Variants in CCDC148 observed in about 807,000 individuals in gnomAD.
CCDC148 encodes the protein coiled-coil domain containing 148, also known as coiled-coil domain-containing protein 148.
CCDC148 carries 89 observed loss-of-function variants against 85.7 expected under a neutral mutation model. That is an observed-to-expected ratio of 1.04 (90% confidence interval 0.87 to 1.24). CCDC148 has a LOEUF of 1.24. Among genes scored for constraint, CCDC148 ranks in the 50% most tolerant of loss-of-function variants. The pLI, the probability that CCDC148 is intolerant of heterozygous loss-of-function variation, is 0.00. For missense variants in CCDC148, 692 were observed against 671.7 expected (o/e 1.03, Z -0.33); for synonymous variants, 230 against 213.9 (o/e 1.08, Z -0.66).
chr2:158,443,501 C>CA (rs1226963790), intron 1 of CCDC148, among the ~76,000 whole-genome samples: 2 of 59,314 alleles, frequency 3.4e-5, no homozygotes, highest in African/African-American at 1.1e-4. Flanking sequence ...AAGTCTATCT[C>CA]AAAAAAAAAA....
At chr2:158,179,841 A>G (rs1684802191) in intron 11 of CCDC148, among the ~76,000 whole-genome samples, 1 of 152,166 alleles carries the variant, frequency 6.6e-6, no homozygotes, top group Non-Finnish European at 1.5e-5. Flanking sequence ...GCACTTTGAC[A>G]TCTGTAGATG....
chr2:158,379,783 T>C (rs1684796171), intron 1 of CCDC148, among the ~76,000 whole-genome samples: 1 of 152,172 alleles, frequency 6.6e-6, no homozygotes, highest in South Asian at 2.1e-4. Flanking sequence ...ATATGTACAT[T>C]ATTTTTTAGA....
intron 1 of CCDC148, among the ~76,000 whole-genome samples, chr2:158,382,081 T>C (rs1285698309): frequency 2.0e-5 from 3 of 152,082 alleles, no homozygotes; most frequent in Admixed American, 1.3e-4. Flanking sequence ...CCTTCCACCA[T>C]GTGAAGACAG....
intron 10 of CCDC148, among the ~76,000 whole-genome samples, chr2:158,223,665 T>C (rs1329679819): frequency 1.3e-5 from 2 of 152,166 alleles, no homozygotes; most frequent in Non-Finnish European, 2.9e-5. Flanking sequence ...TGTTCACCAA[T>C]ATTCACTGTT....
chr2:158,383,382 G>A (rs1559111743), intron 1 of CCDC148, among the ~76,000 whole-genome samples: 1 of 151,412 alleles, frequency 6.6e-6, no homozygotes, highest in Non-Finnish European at 1.5e-5. Context: ...AAATTCTAAA[G>A]CAAGATAAGA....
intron 9 of CCDC148, among the ~76,000 whole-genome samples, chr2:158,293,275 C>G (rs778694133): frequency 3.3e-5 from 5 of 152,116 alleles, no homozygotes; most frequent in Non-Finnish European, 7.4e-5. Flanking sequence ...AAGAGCAGAT[C>G]TCCAGAGAAA....
intron 1 of CCDC148, among the ~76,000 whole-genome samples, chr2:158,407,379 T>C (rs1333490912): frequency 6.6e-6 from 1 of 152,154 alleles, no homozygotes; most frequent in Non-Finnish European, 1.5e-5. Flanking sequence ...AGGAGTCTAT[T>C]AGGAGTCACC....
chr2:158,195,875 G>C (rs1259728081), intron 11 of CCDC148, among the ~76,000 whole-genome samples: 2 of 152,168 alleles, frequency 1.3e-5, no homozygotes, highest in Non-Finnish European at 2.9e-5. Flanking sequence ...GGAGGCTTAG[G>C]ATCTCACTTC....
chr2:158,365,942 C>A, intron 1 of CCDC148: 2 of 1,097,526 alleles, frequency 1.8e-6, no homozygotes, highest in South Asian at 1.6e-5. Flanking sequence ...ATCAACATTC[C>A]AATTGTGTAT....
chr2:158,276,202 G>A (rs1275954154), intron 9 of CCDC148, among the ~76,000 whole-genome samples: 5 of 152,050 alleles, frequency 3.3e-5, no homozygotes, highest in South Asian at 4.2e-4. Flanking sequence ...AGGCAGAGGC[G>A]AGTGGATCAC....
intron 11 of CCDC148, among the ~76,000 whole-genome samples, chr2:158,212,358 T>G (rs991384223): frequency 6.6e-6 from 1 of 152,230 alleles, no homozygotes; most frequent in Non-Finnish European, 1.5e-5. Context: ...TCTCAAACAT[T>G]AGACTGTGAA....
chr2:158,375,588 A>T (rs189992853), intron 1 of CCDC148, among the ~76,000 whole-genome samples: 60 of 152,212 alleles, frequency 3.9e-4, no homozygotes, highest in Non-Finnish European at 2.9e-5. Flanking sequence ...ACTAATATTC[A>T]TTCTACTTTT....
chr2:158,294,718 G>C (rs1256004387), intron 9 of CCDC148, among the ~76,000 whole-genome samples: 1 of 151,538 alleles, frequency 6.6e-6, no homozygotes, highest in East Asian at 2.0e-4. Flanking sequence ...CAGCCATGCA[G>C]GAGGCTGAGG....
chr2:158,318,194 T>C (rs1270429241), intron 7 of CCDC148, among the ~76,000 whole-genome samples: 2 of 152,190 alleles, frequency 1.3e-5, no homozygotes, highest in Admixed American at 1.3e-4. Context: ...GTCTGGTTTA[T>C]AGGAGGCTCC....
intron 1 of CCDC148, among the ~76,000 whole-genome samples, chr2:158,387,183 G>T (rs1206636290): frequency 6.6e-6 from 1 of 151,996 alleles, no homozygotes; most frequent in Non-Finnish European, 1.5e-5. Context: ...GGCATTAGAA[G>T]GCAAGCTTTG....
chr2:158,438,067 T>G (rs947305181), intron 1 of CCDC148, among the ~76,000 whole-genome samples: 2 of 152,138 alleles, frequency 1.3e-5, no homozygotes, highest in East Asian at 3.9e-4. Context: ...ATTTATAGAT[T>G]CAATGCCATC....
intron 9 of CCDC148, among the ~76,000 whole-genome samples, chr2:158,294,452 G>C (rs1172249564): frequency 3.3e-5 from 5 of 152,098 alleles, no homozygotes; most frequent in Admixed American, 3.3e-4. Context: ...CCATGAGTAG[G>C]ATTGCTGGGT....
intron 10 of CCDC148, among the ~76,000 whole-genome samples, chr2:158,246,804 G>A (rs1458625703): frequency 6.6e-6 from 1 of 152,166 alleles, no homozygotes; most frequent in Non-Finnish European, 1.5e-5. Context: ...CCAGACCAGT[G>A]CTGTGCACTA....
chr2:158,348,966 C>A (rs967741621), intron 2 of CCDC148, among the ~76,000 whole-genome samples: 1 of 151,970 alleles, frequency 6.6e-6, no homozygotes, highest in Non-Finnish European at 1.5e-5. Context: ...AAATTGGTCT[C>A]AGTTTTTAGC....
Sources: allele counts gnomAD v4.1 joint callset (sites outside exome capture counted in the v4.1 genomes callset), GRCh38; gene constraint gnomAD v4.1.1; transcripts MANE v1.5; gene names NCBI Gene and HGNC (gene_info 2026-07-23, HGNC 2026-07-21).